Variants in DDI2 observed in about 807,000 individuals in gnomAD.
DDI2 encodes the protein DDI proteasomal shuttling factor 2, also known as protein DDI1 homolog 2.
Under a neutral mutation model 48.1 loss-of-function variants are expected in DDI2, and 5 were observed. The observed-to-expected ratio is 0.10, with a 90% confidence interval of 0.05 to 0.22. DDI2 has a LOEUF of 0.22. DDI2 is among the 10% of genes least tolerant of loss of function. The pLI, the probability that DDI2 is intolerant of heterozygous loss-of-function variation, is 1.00. For missense variants in DDI2, 285 were observed against 506.2 expected (o/e 0.56, Z 4.19); for synonymous variants, 205 against 183.6 (o/e 1.12, Z -0.94).
At chr1:15,652,207 T>G (rs1640197130) in intron 8 of DDI2, among the ~76,000 whole-genome samples, 1 of 151,468 alleles carries the variant, frequency 6.6e-6, no homozygotes, top group Non-Finnish European at 1.5e-5. Flanking sequence ...CCTGAGTAGC[T>G]GGGACTACAC....
At chr1:15,645,171 C>T (rs899496028) in intron 6 of DDI2, among the ~76,000 whole-genome samples, 3 of 152,246 alleles carry the variant, frequency 2.0e-5, no homozygotes, top group East Asian at 1.9e-4. Context: ...GGGATTATGG[C>T]GTGAGCCACC....
At chr1:15,636,196 A>G (rs1051752864) in intron 4 of DDI2, among the ~76,000 whole-genome samples, 1 of 152,064 alleles carries the variant, frequency 6.6e-6, no homozygotes, top group African/African-American at 2.4e-5. Flanking sequence ...TAGTGGCACG[A>G]TCATGGCTCA....
rs2103478074 is a variant in DDI2, at chr1:15,651,900, T to G, written c.1183+5T>G. 2 of 1,612,462 alleles carry G rather than the reference T, an allele frequency of 1.2e-6. No individual in the cohort carries two copies. The highest frequency in any genetic ancestry group is 1.7e-5 in the Admixed American group (1 of 59,792). On this transcript the variant is annotated splice_donor_5th_base_variant and intron_variant, in intron 8 of 9. Coordinates refer to ENST00000480945, the MANE Select transcript of DDI2 (RefSeq NM_032341.5). ...AAAAATCAGCAGAGGATGCAGGTAT[T>G]TGGGATGGCCAAACTCTTCAATACT...
At chr1:15,658,321 T>C (rs1383759543) in intron 9 of DDI2, among the ~76,000 whole-genome samples, 5 of 151,784 alleles carry the variant, frequency 3.3e-5, no homozygotes, top group African/African-American at 9.7e-5. Flanking sequence ...GGCTAATTTT[T>C]GTATTTTTAG....
Position 15,638,399 on chromosome 1 carries a change from T to C in DDI2, c.725T>C (p.Val242Ala). The C allele has an allele frequency of 6.2e-7, 1 of 1,613,998 alleles. No homozygotes were observed. Among genetic ancestry groups the C allele is most frequent in the Non-Finnish European group, 8.5e-7 (1 of 1,179,942 alleles). ...GTGATGCTTTATATTAACTGCAAAG[T>C]GAATGGACATCCTGTGAAAGCCTTT... ...QVVMLYINCK[V>A]NGHPVKAFVD... The change falls in exon 5 of 10, where the codon GTG becomes GCG. Residue 242 changes from valine (V) to alanine (A), a missense_variant. Physicochemically the swap from Val to Ala is moderately conservative, Grantham distance 64 (BLOSUM62 0). Coordinates refer to ENST00000480945, the MANE Select transcript of DDI2 (RefSeq NM_032341.5).
chr1:15,664,388 G>A lies in DDI2; in HGVS notation c.*4598G>A, dbSNP rs1323582333. ...GGGGGTTGCAGTGAGCCTAGATCACGCCACTGCACTCCAGTGTGGGCGGCA... is the reference window on the plus strand; with the variant it reads ...GGGGGTTGCAGTGAGCCTAGATCACACCACTGCACTCCAGTGTGGGCGGCA... On this transcript the variant is annotated 3_prime_UTR_variant, in exon 10 of 10. Coordinates refer to ENST00000480945, the MANE Select transcript of DDI2 (RefSeq NM_032341.5). 3 of 146,596 alleles carry A rather than the reference G, an allele frequency of 2.0e-5. No individual in the cohort carries two copies. The highest frequency in any genetic ancestry group is 2.1e-4 in the South Asian group (1 of 4,678). The allele number at this position is 146,596 out of a possible 1,614,324, so 9.1% of individuals were successfully genotyped here.
At chr1:15,646,164 G>A (rs756088885) in intron 6 of DDI2, among the ~76,000 whole-genome samples, 15 of 152,174 alleles carry the variant, frequency 9.9e-5, no homozygotes, top group East Asian at 7.7e-4. Flanking sequence ...AGCAGAGTGC[G>A]GGAGGGACAC....
intron 6 of DDI2, 79 bp downstream of exon 6, chr1:15,643,729 G>A (rs1356148051): frequency 6.5e-7 from 1 of 1,548,496 alleles, no homozygotes; most frequent in African/African-American, 1.4e-5. Context: ...AGTTTTTAGA[G>A]GGTCTTTTGT....
intron 5 of DDI2, among the ~76,000 whole-genome samples, chr1:15,640,715 T>C (rs2103471456): frequency 6.6e-6 from 1 of 152,360 alleles, no homozygotes; most frequent in East Asian, 1.9e-4. Flanking sequence ...AAAGAGAGAA[T>C]TGCCTTTCCA....
intron 3 of DDI2, 40 bp from the exon 4 acceptor site, chr1:15,633,399 A>G: frequency 6.2e-7 from 1 of 1,604,792 alleles, no homozygotes; most frequent in Non-Finnish European, 8.5e-7. Flanking sequence ...AACGTTGAAA[A>G]TATAGTGATA....
chr1:15,661,501 G>T lies in DDI2; in HGVS notation c.*1711G>T. 6.2e-7 allele frequency: 1 copy of T among 1,614,054 alleles called. No homozygotes were observed. The highest frequency in any genetic ancestry group is 8.5e-7 in the Non-Finnish European group (1 of 1,180,002). On this transcript the variant is annotated 3_prime_UTR_variant, in exon 10 of 10. Coordinates refer to ENST00000480945, the MANE Select transcript of DDI2 (RefSeq NM_032341.5). ...TGAAACCAGAGAAAATGTCTGTCCTGATGCTTCGAGGCCATTACTTGAATA... is the reference window on the plus strand; with the variant it reads ...TGAAACCAGAGAAAATGTCTGTCCTTATGCTTCGAGGCCATTACTTGAATA...
intron 6 of DDI2, 99 bp downstream of exon 6, chr1:15,643,749 G>T: frequency 6.8e-7 from 1 of 1,481,184 alleles, no homozygotes; most frequent in Non-Finnish European, 9.0e-7. Flanking sequence ...TTGTTATTTT[G>T]TTGTTGTTGT....
chr1:15,640,563 C>T (rs1424935271), intron 5 of DDI2, among the ~76,000 whole-genome samples: 1 of 152,106 alleles, frequency 6.6e-6, no homozygotes, highest in Admixed American at 6.6e-5. Context: ...TCACTCTGAC[C>T]GAGGTGCTCA....
Position 15,667,967 on chromosome 1 carries a change from C to T in DDI2, c.*8177C>T, listed in dbSNP as rs1640479774. ...TGGGGGTTAGAGAATGTTTCTTTTA[C>T]CTAAAAATGTTAAGCCAACTATGGA... is the stretch of plus-strand genomic sequence containing the variant. On this transcript the variant is annotated 3_prime_UTR_variant, in exon 10 of 10. Transcript: ENST00000480945. 6.6e-6 allele frequency: 1 copy of T among 152,010 alleles called. No homozygotes were observed. The highest frequency in any genetic ancestry group is 1.5e-5 in the Non-Finnish European group (1 of 68,014). 9.4% of individuals were successfully genotyped at this position (152,010 alleles called of 1,614,324 possible). A position where few individuals can be genotyped will look rare whatever the true frequency, so the allele number is the denominator to read the frequency against.
rs1640463676 is a variant in DDI2, at chr1:15,667,051, T to TA, written c.*7267dup. ...GATGAAACCTTACCTCTACTAAAAA[T>TA]AAAAAATTAGCCGGGCATGGTGGCA... On this transcript the variant is annotated 3_prime_UTR_variant, in exon 10 of 10. Transcript: ENST00000480945. The TA allele has an allele frequency of 6.6e-6, 1 of 151,720 alleles. No individual in the cohort carries two copies. The highest frequency in any genetic ancestry group is 6.6e-5 in the Admixed American group (1 of 15,214). The allele number at this position is 151,720 out of a possible 1,614,324, so 9.4% of individuals were successfully genotyped here.
At chr1:15,620,146 A>G (rs555749668) in intron 1 of DDI2, among the ~76,000 whole-genome samples, 3 of 152,334 alleles carry the variant, frequency 2.0e-5, no homozygotes, top group East Asian at 3.9e-4. Flanking sequence ...AAGCCAAATT[A>G]GCATATAGAA....
At position 15,661,091 on chromosome 1, in the gene DDI2, A is replaced by G. The variant is rs1382659736; in HGVS notation, c.*1301A>G. 1 of 1,614,006 alleles carries G rather than the reference A, an allele frequency of 6.2e-7. No homozygotes were observed. The highest frequency in any genetic ancestry group is 8.5e-7 in the Non-Finnish European group (1 of 1,180,012). On this transcript the variant is annotated 3_prime_UTR_variant, in exon 10 of 10. Transcript: ENST00000480945. The stretch of plus-strand genomic sequence containing the variant: ...ACCCAAAATGAGCATCTTACCCAGA[A>G]TGAACAGTGTCCACAAGTCTCCTTT...
At position 15,660,394 on chromosome 1, in the gene DDI2, T is replaced by G. The variant is rs748024416; in HGVS notation, c.*604T>G. On this transcript the variant is annotated 3_prime_UTR_variant, in exon 10 of 10. Coordinates refer to ENST00000480945, the MANE Select transcript of DDI2 (RefSeq NM_032341.5). ...GCACGAAGAACCAGGGAATGAACAG[T>G]ATGAGGTTGCACAACAAAAAGCTTC... 2.5e-6 allele frequency: 4 copies of G among 1,613,794 alleles called. No homozygotes were observed. In the Admixed American group the frequency reaches 6.7e-5, roughly 27 times the overall value.
chr1:15,667,556 C>G lies in DDI2; in HGVS notation c.*7766C>G, dbSNP rs192443761. On this transcript the variant is annotated 3_prime_UTR_variant, in exon 10 of 10. Transcript: ENST00000480945. ...TGTGCTATTTTAAAGCAGCTGGGTGCAACTTGTGAAAACGGGAATCTAGAG... is the reference window on the plus strand; with the variant it reads ...TGTGCTATTTTAAAGCAGCTGGGTGGAACTTGTGAAAACGGGAATCTAGAG... The G allele has an allele frequency of 1.3e-5, 2 of 152,198 alleles. No homozygotes were observed. Among genetic ancestry groups the G allele is most frequent in the African/African-American group, 4.8e-5 (2 of 41,446 alleles). 9.4% of individuals were successfully genotyped at this position (152,198 alleles called of 1,614,324 possible). A position where few individuals can be genotyped will look rare whatever the true frequency, so the allele number is the denominator to read the frequency against.
Sources: gnomAD v4.1 joint callset for allele counts (sites outside exome capture counted in the v4.1 genomes callset) on GRCh38, gnomAD v4.1.1 for gene constraint, MANE v1.5 for transcripts, NCBI Gene and HGNC (gene_info 2026-07-23, HGNC 2026-07-21) for gene names.